The following OTOG variants were observed in gnomAD, a reference collection of about 807,000 sequenced individuals.
The protein encoded by OTOG is otogelin.
In OTOG, 296 loss-of-function variants were observed where a neutral mutation model predicts 313.8. The observed-to-expected ratio is 0.94, with a 90% CI of 0.86 to 1.04. The LOEUF (loss-of-function observed/expected upper bound fraction) is 1.04. Ranked by LOEUF, OTOG falls within the 50% of genes least tolerant of loss-of-function variation. The probability of loss-of-function intolerance (pLI) is 0.00; values close to 1 mark genes in which losing one functional copy is unlikely to be tolerated. For synonymous variants in OTOG, 1,533 were observed against 1,554.9 expected (o/e 0.99, Z 0.33); for missense variants, 3,948 against 3,840.1 (o/e 1.03, Z -0.74).
At chr11:17,558,038 A>AC in intron 8 of OTOG, 147 bp from the exon 9 acceptor site, 1 of 1,051,708 alleles carries the variant, frequency 9.5e-7, no homozygotes, top group Non-Finnish European at 1.3e-6. Context: ...CAGTTGGGAA[A>AC]CCCTGATTGG....
At chr11:17,601,153 C>A (rs980839607) in intron 31 of OTOG, among the ~76,000 whole-genome samples, 4 of 152,182 alleles carry the variant, frequency 2.6e-5, no homozygotes, top group African/African-American at 9.7e-5. Context: ...TGCTTGTCTC[C>A]CATCTAGTGG....
chr11:17,551,320 T>C (rs1851927011), intron 3 of OTOG, among the ~76,000 whole-genome samples: 1 of 152,180 alleles, frequency 6.6e-6, no homozygotes, highest in South Asian at 2.1e-4. Context: ...TGTTGTTATA[T>C]AGTCCTGATT....
Position 17,634,286 on chromosome 11 carries a change from G to A in OTOG, c.7480+5G>A. ...GCTGCCTGGGGACTGTCTGTGGTGAGTGTCCACCTTCACTTCCTTGGACGT... is the reference window on the plus strand; with the variant it reads ...GCTGCCTGGGGACTGTCTGTGGTGAATGTCCACCTTCACTTCCTTGGACGT... On this transcript the variant is annotated splice_donor_5th_base_variant and intron_variant, in intron 44 of 55. Coordinates refer to ENST00000399397, the MANE Select transcript of OTOG (RefSeq NM_001292063.2). 1.9e-6 allele frequency: 3 copies of A among 1,549,248 alleles called. No homozygotes were observed. The highest frequency in any genetic ancestry group is 2.6e-6 in the Non-Finnish European group (3 of 1,145,920).
chr11:17,561,193 G>C, intron 14 of OTOG, 56 bp downstream of exon 14: 1 of 1,542,580 alleles, frequency 6.5e-7, no homozygotes, highest in Non-Finnish European at 8.8e-7. Flanking sequence ...GATAGGTTTT[G>C]GGGCAAGGAA....
intron 12 of OTOG, 43 bp from the exon 13 acceptor site, chr11:17,560,666 C>T: frequency 6.9e-7 from 1 of 1,440,218 alleles, no homozygotes; most frequent in Non-Finnish European, 9.6e-7. Flanking sequence ...GGTTTGTGAA[C>T]AGGGGCAAAG....
intron 11 of OTOG, 86 bp downstream of exon 11, chr11:17,559,247 A>T (rs1852125511): frequency 2.8e-6 from 3 of 1,088,442 alleles, no homozygotes; most frequent in Non-Finnish European, 3.9e-6. Flanking sequence ...TGTCCTGCTC[A>T]GAATCACAGT....
intron 28 of OTOG, among the ~76,000 whole-genome samples, chr11:17,594,634 G>A (rs1853044785): frequency 6.6e-6 from 1 of 152,178 alleles, no homozygotes; most frequent in African/African-American, 2.4e-5. Context: ...CTGAGAGGAA[G>A]GGCAACACTA....
intron 6 of OTOG, among the ~76,000 whole-genome samples, chr11:17,554,588 G>T (rs1196078163): frequency 6.6e-6 from 1 of 152,240 alleles, no homozygotes; most frequent in Non-Finnish European, 1.5e-5. Flanking sequence ...GGTGTGGGGA[G>T]ACCCCAGTGT....
Position 17,568,199 on chromosome 11 carries a change from A to G in OTOG, c.1645-957A>G, listed in dbSNP as rs149334477. Among the ~76,000 whole-genome samples the G allele has an allele frequency of 5.6e-3, 858 of 152,226 alleles. 5 individuals are homozygous for G. The highest frequency in any genetic ancestry group is 0.017 in the African/African-American group (710 of 41,536). ...TGAGATTACAGGCGTGAGCCACCGC[A>G]CCCGGCCAGTAACACTTTCTTAATC... On this transcript the variant is annotated intron_variant, in intron 15 of 55. Coordinates refer to ENST00000399397, the MANE Select transcript of OTOG (RefSeq NM_001292063.2).
At chr11:17,614,428 T>C (rs990900838) in intron 39 of OTOG, among the ~76,000 whole-genome samples, 2 of 152,126 alleles carry the variant, frequency 1.3e-5, no homozygotes, top group African/African-American at 4.8e-5. Flanking sequence ...TTTATAAAAT[T>C]TTTCCATTAA....
Position 17,555,857 on chromosome 11 carries a change from G to T in OTOG, c.619G>T (p.Glu207Ter). 6.4e-7 allele frequency: 1 copy of T among 1,551,050 alleles called. No individual in the cohort carries two copies. The highest frequency in any genetic ancestry group is 8.7e-7 in the Non-Finnish European group (1 of 1,147,102). The stretch of plus-strand genomic sequence containing the variant: ...CAGCCTCTTCTTTGTGGGTGAGCAG[G>T]AGATCCATCTGGCCAAGGAGGTCAC... ...AVSLFFVGEQEIHLAKEVTHG... is the reference protein window; with the variant it reads ...AVSLFFVGEQ The change falls in exon 7 of 56, where the codon GAG becomes TAG. Residue 207 changes from glutamate (E) to a stop codon, truncating the protein, a stop_gained. Transcript: ENST00000399397. LOFTEE classifies it high-confidence loss of function.
At chr11:17,594,230 C>G (rs1266625545) in intron 28 of OTOG, 64 bp downstream of exon 28, 7 of 1,543,616 alleles carry the variant, frequency 4.5e-6, no homozygotes, top group African/African-American at 1.4e-5. Context: ...AGCACTGAAC[C>G]CGGCCCAAGG....
intron 52 of OTOG, 48 bp downstream of exon 52, chr11:17,641,999 A>G (rs1186216727): frequency 1.3e-6 from 2 of 1,538,768 alleles, no homozygotes; most frequent in East Asian, 4.9e-5. Flanking sequence ...CCAGAAGGGG[A>G]CACCAGGACT....
chr11:17,565,071 C>T (rs942697178), intron 15 of OTOG, among the ~76,000 whole-genome samples: 13 of 152,028 alleles, frequency 8.6e-5, no homozygotes, highest in Non-Finnish European at 1.8e-4. Flanking sequence ...AATAATGAAC[C>T]GATGTTAATA....
rs1437231896 is a variant in OTOG, at chr11:17,609,922, T to C, written c.4622T>C (p.Leu1541Pro). The change falls in exon 36 of 56, where the codon CTC becomes CCC. Residue 1541 changes from leucine (L) to proline (P), a missense_variant. By Grantham distance (98) the Leu-to-Pro change is moderately conservative. Coordinates refer to ENST00000399397, the MANE Select transcript of OTOG (RefSeq NM_001292063.2). ...QQPLELTASQ[L>P]PAGPTESPAS... ...CCACTGGAGCTCACTGCATCTCAAC[T>C]CCCCGCCGGCCCCACGGAGTCCCCA... 2 of 1,523,094 alleles carry C rather than the reference T, an allele frequency of 1.3e-6. No homozygotes were observed. Among genetic ancestry groups the C allele is most frequent in the Non-Finnish European group, 1.8e-6 (2 of 1,131,780 alleles). The allele number at this position is 1,523,094 out of a possible 1,614,324, so 94.3% of individuals were successfully genotyped here. A position where few individuals can be genotyped will look rare whatever the true frequency, so the allele number is the denominator to read the frequency against.
chr11:17,574,021 G>A (rs1214674010), intron 19 of OTOG, among the ~76,000 whole-genome samples: 1 of 152,202 alleles, frequency 6.6e-6, no homozygotes, highest in African/African-American at 2.4e-5. Flanking sequence ...GGGCCACATC[G>A]AGTATCAACG....
intron 31 of OTOG, 38 bp downstream of exon 31, chr11:17,599,735 A>G (rs889560158): frequency 1.3e-6 from 2 of 1,545,834 alleles, no homozygotes; most frequent in African/African-American, 2.7e-5. Context: ...TCAGGGGCTC[A>G]GGCACTGCCA....
intron 15 of OTOG, among the ~76,000 whole-genome samples, chr11:17,562,069 A>ATATG (rs1565093594): frequency 7.2e-6 from 1 of 138,874 alleles, no homozygotes; most frequent in Non-Finnish European, 1.6e-5. Flanking sequence ...ATATATATAT[A>ATATG]TATGTATGTA....
At chr11:17,578,168 C>T (rs762706604) in intron 22 of OTOG, 598 of 1,159,788 alleles carry the variant, frequency 5.2e-4, no homozygotes, top group Middle Eastern at 4.1e-3. Context: ...TCCTGGTGGC[C>T]GCAGTCTTAT....
Sources: allele counts gnomAD v4.1 joint callset (sites outside exome capture counted in the v4.1 genomes callset), GRCh38; gene constraint gnomAD v4.1.1; transcripts MANE v1.5; gene names NCBI Gene and HGNC (gene_info 2026-07-23, HGNC 2026-07-21).